The following TMEM26 variants were observed in gnomAD, a reference collection of about 807,000 sequenced individuals.
The protein encoded by TMEM26 is transmembrane protein 26.
A neutral mutation model predicts 28.8 loss-of-function variants in TMEM26; 38 were observed. The observed-to-expected ratio is 1.32, with a 90% CI of 1.02 to 1.73. The LOEUF (loss-of-function observed/expected upper bound fraction) is 1.73. TMEM26 is among the 40% of genes most tolerant of loss of function. The pLI, the probability that TMEM26 is intolerant of heterozygous loss-of-function variation, is 0.00. For synonymous variants in TMEM26, 227 were observed against 182.9 expected (o/e 1.24, Z -1.95); for missense variants, 518 against 447.1 (o/e 1.16, Z -1.43).
chr10:61,432,601 A>G (rs1219075353), intron 2 of TMEM26, among the ~76,000 whole-genome samples: 1 of 152,144 alleles, frequency 6.6e-6, no homozygotes, highest in Non-Finnish European at 1.5e-5. Flanking sequence ...CACCGCCACT[A>G]CAACCACCAC....
chr10:61,452,864 G>GC, intron 1 of TMEM26, 27 bp downstream of exon 1: 1 of 1,602,490 alleles, frequency 6.2e-7, no homozygotes, highest in South Asian at 1.1e-5. Context: ...GGCCCCGTGC[G>GC]CCCTCGCTTT....
intron 1 of TMEM26, among the ~76,000 whole-genome samples, chr10:61,441,397 AT>A (rs1840090489): frequency 5.9e-5 from 9 of 152,188 alleles, no homozygotes; most frequent in Admixed American, 3.9e-4. Context: ...TTTTAGTGTG[AT>A]ATCTTTGCCA....
Position 61,453,057 on chromosome 10 carries a change from C to T in TMEM26, c.25G>A (p.Ala9Thr), listed in dbSNP as rs774929107. ...AGGAACAGCAACCGAGTGGCCAGGG[C>T]GTTAAGGAAGACCAGTCCCTCCATG... MEGLVFLN[A>T]LATRLLFLLH... Residue 9 changes from alanine (A) to threonine (T), a missense_variant, in exon 1 of 6, where the codon GCC (alanine) becomes ACC (threonine). By Grantham distance (58) the Ala-to-Thr change is moderately conservative (BLOSUM62 0). Coordinates refer to ENST00000399298, the MANE Select transcript of TMEM26 (RefSeq NM_178505.8). 6.2e-7 allele frequency: 1 copy of T among 1,613,522 alleles called. No individual in the cohort carries two copies. Among genetic ancestry groups the T allele is most frequent in the Non-Finnish European group, 8.5e-7 (1 of 1,180,002 alleles).
chr10:61,451,772 T>TGTA (rs1005353215), intron 1 of TMEM26, among the ~76,000 whole-genome samples: 7 of 152,088 alleles, frequency 4.6e-5, no homozygotes, highest in Admixed American at 4.6e-4. Context: ...CAGTAGAAAA[T>TGTA]GTAAGTAAGA....
At position 61,410,273 on chromosome 10, in the gene TMEM26, G is replaced by C; in HGVS notation, c.*49C>G. The C allele has an allele frequency of 6.6e-7, 1 of 1,516,028 alleles. No individual in the cohort carries two copies. Among genetic ancestry groups the C allele is most frequent in the Non-Finnish European group, 8.9e-7 (1 of 1,123,224 alleles). The allele number at this position is 1,516,028 out of a possible 1,614,324, so 93.9% of individuals were successfully genotyped here. A position where few individuals can be genotyped will look rare whatever the true frequency, so the allele number is the denominator to read the frequency against. On this transcript the variant is annotated 3_prime_UTR_variant, in exon 6 of 6. Transcript: ENST00000399298. ...AGGAGAAAAAGGATCCTCCCTGTAA[G>C]AAGAACCAGGGAGTCAGGTTCTAGC...
intron 1 of TMEM26, among the ~76,000 whole-genome samples, chr10:61,451,708 A>T (rs140911219): frequency 6.6e-6 from 1 of 152,226 alleles, no homozygotes; most frequent in Non-Finnish European, 1.5e-5. Flanking sequence ...GGTCGTATTA[A>T]ATTAGGATTG....
intron 1 of TMEM26, among the ~76,000 whole-genome samples, chr10:61,449,344 G>A (rs555241276): frequency 6.6e-6 from 1 of 152,122 alleles, no homozygotes; most frequent in African/African-American, 2.4e-5. Context: ...TATTCTATAG[G>A]ATTCCAACAA....
intron 4 of TMEM26, among the ~76,000 whole-genome samples, chr10:61,420,820 A>G (rs1416346805): frequency 6.6e-6 from 1 of 152,070 alleles, no homozygotes; most frequent in Non-Finnish European, 1.5e-5. Context: ...TACACCACAT[A>G]GTAACTGAAA....
chr10:61,415,823 T>A (rs1323345514), intron 4 of TMEM26, among the ~76,000 whole-genome samples: 1 of 152,078 alleles, frequency 6.6e-6, no homozygotes, highest in Non-Finnish European at 1.5e-5. Flanking sequence ...GGGGGAGAAC[T>A]AGAGTGCTAA....
At chr10:61,447,800 A>C (rs910016061) in intron 1 of TMEM26, among the ~76,000 whole-genome samples, 3 of 152,084 alleles carry the variant, frequency 2.0e-5, no homozygotes, top group Non-Finnish European at 2.9e-5. Flanking sequence ...CAAAGGTCAC[A>C]TCCCCAGCCA....
At position 61,453,165 on chromosome 10, in the gene TMEM26, G is replaced by C. The variant is rs1390418907; in HGVS notation, c.-84C>G. The C allele has an allele frequency of 7.0e-7, 1 of 1,432,436 alleles. No individual in the cohort carries two copies. Among genetic ancestry groups the C allele is most frequent in the Non-Finnish European group, 9.6e-7 (1 of 1,046,058 alleles). 88.7% of individuals were successfully genotyped at this position (1,432,436 alleles called of 1,614,324 possible). On this transcript the variant is annotated 5_prime_UTR_variant, in exon 1 of 6. Transcript: ENST00000399298. ...GTGCCCGGAGCCCACCGGTGAGCAG[G>C]AATATGACAAGCACTGAGACCTGCT...
At chr10:61,429,357 A>G (rs1348773809) in intron 3 of TMEM26, among the ~76,000 whole-genome samples, 2 of 152,138 alleles carry the variant, frequency 1.3e-5, no homozygotes, top group Non-Finnish European at 2.9e-5. Flanking sequence ...GGGGGTGCCT[A>G]TAACTAGCAA....
At chr10:61,418,444 A>T (rs1013035789) in intron 4 of TMEM26, among the ~76,000 whole-genome samples, 4 of 152,068 alleles carry the variant, frequency 2.6e-5, no homozygotes, top group African/African-American at 9.7e-5. Context: ...TACATTTCAA[A>T]GGGGCAGAAA....
rs749723389 is a variant in TMEM26, at chr10:61,449,180, TA to T, written c.191+3710del. Among the ~76,000 whole-genome samples the T allele has an allele frequency of 6.6e-5, 10 of 152,284 alleles. No individual in the cohort carries two copies. In the South Asian group the frequency reaches 8.3e-4, roughly 13 times the overall value. ...AAAAAAAGCAAACTCCAGGAGTACA[TA>T]TTTTTTTTAGCTTAACGGGGGACAT... On this transcript the variant is annotated intron_variant, in intron 1 of 5. Coordinates refer to ENST00000399298, the MANE Select transcript of TMEM26 (RefSeq NM_178505.8).
intron 1 of TMEM26, among the ~76,000 whole-genome samples, chr10:61,440,991 G>T (rs1272154252): frequency 6.6e-6 from 1 of 152,084 alleles, no homozygotes; most frequent in East Asian, 1.9e-4. Flanking sequence ...TATAATACCT[G>T]ATATAGCTGT....
intron 5 of TMEM26, 97 bp from the exon 6 acceptor site, chr10:61,410,843 T>A: frequency 8.7e-7 from 1 of 1,153,856 alleles, no homozygotes; most frequent in Non-Finnish European, 1.2e-6. Flanking sequence ...GGGACTGTGC[T>A]AGTAATAATT....
chr10:61,434,490 G>T (rs920096051), intron 2 of TMEM26, among the ~76,000 whole-genome samples: 2 of 152,092 alleles, frequency 1.3e-5, no homozygotes, highest in African/African-American at 4.8e-5. Flanking sequence ...AAACATGAAA[G>T]AATTGATTCA....
intron 4 of TMEM26, chr10:61,414,021 G>T: frequency 1.0e-6 from 1 of 986,944 alleles, no homozygotes; most frequent in South Asian, 4.7e-5. Flanking sequence ...ATAGGAAAAA[G>T]GTAAGGAGAT....
intron 4 of TMEM26, among the ~76,000 whole-genome samples, chr10:61,415,677 T>TA (rs1159052201): frequency 6.6e-6 from 1 of 152,090 alleles, no homozygotes; most frequent in Admixed American, 6.6e-5. Flanking sequence ...CTTTGGACAT[T>TA]ACATTATATT....
Sources: allele counts gnomAD v4.1 joint callset (sites outside exome capture counted in the v4.1 genomes callset), GRCh38; gene constraint gnomAD v4.1.1; transcripts MANE v1.5; gene names NCBI Gene and HGNC (gene_info 2026-07-23, HGNC 2026-07-21).